The following SEMA3E variants were observed in gnomAD, a reference collection of about 807,000 sequenced individuals.
SEMA3E encodes semaphorin 3E.
In SEMA3E, 49 loss-of-function variants were observed where a neutral mutation model predicts 93.6. That is an observed-to-expected ratio of 0.52 (90% CI 0.42 to 0.66). SEMA3E has a LOEUF of 0.66. Among genes scored for constraint, SEMA3E ranks in the 30% least tolerant of loss-of-function variants. SEMA3E has a pLI of 0.00. For missense variants in SEMA3E, 906 were observed against 964.8 expected (o/e 0.94, Z 0.81); for synonymous variants, 363 against 330.7 (o/e 1.10, Z -1.06).
intron 12 of SEMA3E, 122 bp downstream of exon 12, chr7:83,396,516 A>G (rs894953524): frequency 3.1e-6 from 2 of 643,852 alleles, no homozygotes; most frequent in Non-Finnish European, 2.8e-6. Flanking sequence ...CTTCACTTAT[A>G]TTAGCTCTGA....
chr7:83,406,627 T>C (rs1334996999), intron 7 of SEMA3E, among the ~76,000 whole-genome samples: 3 of 152,020 alleles, frequency 2.0e-5, no homozygotes, highest in Non-Finnish European at 4.4e-5. Context: ...TATTTGATTC[T>C]CTCAATATAT....
intron 4 of SEMA3E, among the ~76,000 whole-genome samples, chr7:83,464,842 C>T (rs1292188230): frequency 2.0e-5 from 3 of 148,992 alleles, no homozygotes; most frequent in Admixed American, 1.4e-4. Context: ...TGAGAAACAT[C>T]GCCCATTCTC....
In SEMA3E at chr7:83,400,157, G is replaced by A; in HGVS notation, c.1237C>T (p.Gln413Ter). The A allele has an allele frequency of 6.2e-7, 1 of 1,613,862 alleles. No homozygotes were observed. The highest frequency in any genetic ancestry group is 8.5e-7 in the Non-Finnish European group (1 of 1,179,926). Reference sequence around the variant, plus strand: ...TTTTTATGGGCAGGTTTTATGGCCTGGTACATTAGTGGATGACTTCTTGCA... The same window carrying A: ...TTTTTATGGGCAGGTTTTATGGCCTAGTACATTAGTGGATGACTTCTTGCA... ...RFARSHPLMY[Q>*]AIKPAHKKPI... is the part of the protein sequence containing the mutation. The change falls in exon 11 of 17, where the codon CAG becomes TAG. Residue 413 changes from glutamine to a stop codon, truncating the protein, a stop_gained. Coordinates refer to ENST00000643230, the MANE Select transcript of SEMA3E (RefSeq NM_012431.3). LOFTEE classifies it high-confidence loss of function.
chr7:83,614,827 A>C (rs1793331146), intron 1 of SEMA3E, among the ~76,000 whole-genome samples: 1 of 152,262 alleles, frequency 6.6e-6, no homozygotes, highest in African/African-American at 2.4e-5. Context: ...TGGCCAAAAC[A>C]AGCCAAAAAG....
intron 8 of SEMA3E, 53 bp from the exon 9 acceptor site, chr7:83,405,572 G>T: frequency 6.8e-7 from 1 of 1,477,546 alleles, no homozygotes; most frequent in Non-Finnish European, 9.5e-7. Context: ...CTCTTTGCAT[G>T]CAAAGAAAAT....
intron 1 of SEMA3E, among the ~76,000 whole-genome samples, chr7:83,551,209 CA>C (rs200129438): frequency 7.3e-5 from 11 of 151,316 alleles, no homozygotes; most frequent in Non-Finnish European, 1.0e-4. Context: ...TTTCTAATAC[CA>C]AAAAAAATAC....
At chr7:83,402,073 T>C (rs1788243456) in intron 10 of SEMA3E, among the ~76,000 whole-genome samples, 1 of 152,038 alleles carries the variant, frequency 6.6e-6, no homozygotes, top group Non-Finnish European at 1.5e-5. Flanking sequence ...TACTTTTGTA[T>C]TGGCATTTCT....
chr7:83,638,873 A>T (rs1442037274), intron 1 of SEMA3E, among the ~76,000 whole-genome samples: 1 of 151,924 alleles, frequency 6.6e-6, no homozygotes, highest in Non-Finnish European at 1.5e-5. Context: ...GCACTTTGGG[A>T]GGCCGAGGCG....
intron 13 of SEMA3E, 65 bp from the exon 14 acceptor site, chr7:83,392,786 A>AG: frequency 7.0e-7 from 1 of 1,428,958 alleles, no homozygotes; most frequent in Non-Finnish European, 9.9e-7. Context: ...TATTACACCT[A>AG]GTTTTCACAT....
At chr7:83,424,920 A>G (rs62460803) in intron 4 of SEMA3E, 51,159 of 272,566 alleles carry the variant, frequency 0.19, 5,583 homozygotes, top group Middle Eastern at 0.25. Flanking sequence ...GTCAGCCTCT[A>G]CCATGTGTGG....
chr7:83,586,584 T>C (rs1015029195), intron 1 of SEMA3E, among the ~76,000 whole-genome samples: 1 of 151,824 alleles, frequency 6.6e-6, no homozygotes, highest in African/African-American at 2.4e-5. Flanking sequence ...GTTAGGTTTA[T>C]ATCACTTTAA....
intron 1 of SEMA3E, among the ~76,000 whole-genome samples, chr7:83,583,613 C>T (rs1377377187): frequency 6.6e-6 from 1 of 152,138 alleles, no homozygotes; most frequent in Non-Finnish European, 1.5e-5. Flanking sequence ...CTACTGTTCT[C>T]ACCCAATTAT....
intron 1 of SEMA3E, among the ~76,000 whole-genome samples, chr7:83,640,536 G>A (rs904678872): frequency 6.6e-6 from 1 of 152,120 alleles, no homozygotes; most frequent in African/African-American, 2.4e-5. Flanking sequence ...CAGGTGGCTA[G>A]TAAGCTATTT....
intron 1 of SEMA3E, among the ~76,000 whole-genome samples, chr7:83,577,409 A>T (rs1792428721): frequency 1.3e-5 from 2 of 152,234 alleles, no homozygotes. Flanking sequence ...TAACTTACCA[A>T]GACTCAAAAT....
intron 1 of SEMA3E, among the ~76,000 whole-genome samples, chr7:83,564,041 A>G (rs1387411074): frequency 6.6e-6 from 1 of 152,212 alleles, no homozygotes; most frequent in Non-Finnish European, 1.5e-5. Context: ...CAAACTTCCT[A>G]GAATTCCATA....
rs188924422 is a variant in SEMA3E at position 83,466,476 on chromosome 7, T to G, written c.456+6A>C. On this transcript the variant is annotated splice_donor_region_variant and intron_variant, in intron 4 of 16. Coordinates refer to ENST00000643230, the MANE Select transcript of SEMA3E (RefSeq NM_012431.3). ...TTTATTGACAGCAATGAATGAAACA[T>G]CTTACCTCCAAATGATATCCAACTC... 1 of 1,613,898 alleles carries G rather than the reference T, an allele frequency of 6.2e-7. No individual in the cohort carries two copies. Among genetic ancestry groups the G allele is most frequent in the Non-Finnish European group, 8.5e-7 (1 of 1,179,930 alleles).
chr7:83,385,314 G>A lies in SEMA3E; in HGVS notation c.1855C>T (p.Arg619Cys), dbSNP rs143631464. 1.8e-4 allele frequency: 289 copies of A among 1,612,944 alleles called. No individual in the cohort carries two copies. The highest frequency in any genetic ancestry group is 2.3e-4 in the Non-Finnish European group (272 of 1,179,434). Residue 619 changes from arginine to cysteine, a missense_variant, in exon 16 of 17, where the codon CGT becomes TGT. By Grantham distance (180) the Arg-to-Cys change is radical. Coordinates refer to ENST00000643230, the MANE Select transcript of SEMA3E (RefSeq NM_012431.3). Reference sequence around the variant, plus strand: ...ATTACCTCCTCTTTTCTTGTCTCACGTCCTTTCTGTACAAACCAGATAACT... The same window carrying A: ...ATTACCTCCTCTTTTCTTGTCTCACATCCTTTCTGTACAAACCAGATAACT... ...AKVIWFVQKG[R>C]ETRKEEVKTD...
intron 5 of SEMA3E, among the ~76,000 whole-genome samples, chr7:83,412,764 A>T (rs1204646458): frequency 6.5e-5 from 8 of 123,362 alleles, no homozygotes; most frequent in African/African-American, 2.6e-5. Flanking sequence ...AAAAAGATAA[A>T]AAAAAAAAAA....
intron 1 of SEMA3E, among the ~76,000 whole-genome samples, chr7:83,493,951 A>T (rs1451132841): frequency 6.6e-6 from 1 of 151,926 alleles, no homozygotes; most frequent in Non-Finnish European, 1.5e-5. Flanking sequence ...AATAATGGAC[A>T]TGGAGCCATT....
Sources: allele counts gnomAD v4.1 joint callset (sites outside exome capture counted in the v4.1 genomes callset), GRCh38; gene constraint gnomAD v4.1.1; transcripts MANE v1.5; gene names NCBI Gene and HGNC (gene_info 2026-07-23, HGNC 2026-07-21).